Variants in GRID2 observed in about 807,000 individuals in gnomAD.
The protein encoded by GRID2 is glutamate ionotropic receptor delta type subunit 2, also known as glutamate receptor ionotropic, delta-2.
GRID2 carries 33 observed loss-of-function variants against 114.8 expected under a neutral mutation model. That is an observed-to-expected ratio of 0.29 (90% CI 0.22 to 0.38). GRID2 has a LOEUF of 0.38. Among genes scored for constraint, GRID2 ranks in the 10% least tolerant of loss-of-function variants. GRID2 has a pLI of 1.00. For synonymous variants in GRID2, 505 were observed against 449.9 expected (o/e 1.12, Z -1.55); for missense variants, 1,184 against 1,257.7 (o/e 0.94, Z 0.89).
At chr4:93,472,445 A>G (rs1174090837) in intron 11 of GRID2, among the ~76,000 whole-genome samples, 1 of 152,204 alleles carries the variant, frequency 6.6e-6, no homozygotes, top group African/African-American at 2.4e-5. Context: ...ACTACTGAAT[A>G]TATAGTTCCT....
At chr4:92,396,305 A>C (rs540425477) in intron 1 of GRID2, among the ~76,000 whole-genome samples, 1 of 152,102 alleles carries the variant, frequency 6.6e-6, no homozygotes, top group Admixed American at 6.6e-5. Flanking sequence ...GTAGTGCATT[A>C]TATTTTAAGA....
At chr4:93,556,859 A>G (rs1367813106) in intron 13 of GRID2, among the ~76,000 whole-genome samples, 1 of 152,176 alleles carries the variant, frequency 6.6e-6, no homozygotes, top group African/African-American at 2.4e-5. Flanking sequence ...TGGGTTACCC[A>G]CAAAGGGAAG....
At chr4:92,890,765 A>G (rs901272778) in intron 2 of GRID2, among the ~76,000 whole-genome samples, 3 of 152,210 alleles carry the variant, frequency 2.0e-5, no homozygotes, top group Non-Finnish European at 4.4e-5. Context: ...ATTACTGGGT[A>G]TATACCCAAA....
intron 1 of GRID2, among the ~76,000 whole-genome samples, chr4:92,320,005 G>A (rs1726227402): frequency 6.6e-6 from 1 of 152,166 alleles, no homozygotes; most frequent in Non-Finnish European, 1.5e-5. Flanking sequence ...TTAGGAGAGA[G>A]GTGAGAGAGG....
intron 2 of GRID2, among the ~76,000 whole-genome samples, chr4:92,727,211 A>T (rs1736109392): frequency 6.6e-6 from 1 of 152,100 alleles, no homozygotes; most frequent in Non-Finnish European, 1.5e-5. Context: ...TTTAAACAAA[A>T]GTAAAAAAAG....
intron 1 of GRID2, among the ~76,000 whole-genome samples, chr4:93,782,784 A>C (rs974058559): frequency 8.5e-5 from 13 of 152,150 alleles, no homozygotes; most frequent in African/African-American, 2.9e-4. Context: ...GGTTTTTATA[A>C]ATTTAAAATA....
intron 14 of GRID2, among the ~76,000 whole-genome samples, chr4:93,711,847 A>G (rs72659506): frequency 0.016 from 2,362 of 152,256 alleles, 28 homozygotes; most frequent in Non-Finnish European, 0.022. Flanking sequence ...TACAATGTTA[A>G]AATCAGGTAC....
intron 2 of GRID2, among the ~76,000 whole-genome samples, chr4:92,670,460 C>T (rs992483470): frequency 2.6e-5 from 4 of 151,906 alleles, no homozygotes; most frequent in Non-Finnish European, 5.9e-5. Context: ...TGTGGATGAA[C>T]ACTTGGTAAG....
intron 11 of GRID2, among the ~76,000 whole-genome samples, chr4:93,472,545 G>A (rs1365093954): frequency 6.6e-6 from 1 of 152,086 alleles, no homozygotes; most frequent in African/African-American, 2.4e-5. Context: ...AGTTTAAAAA[G>A]TAAACTTATC....
chr4:92,724,560 T>G (rs1303486962), intron 2 of GRID2, among the ~76,000 whole-genome samples: 1 of 152,302 alleles, frequency 6.6e-6, no homozygotes, highest in East Asian at 1.9e-4. Flanking sequence ...AATGTAAAAT[T>G]GTATGACTAT....
intron 10 of GRID2, among the ~76,000 whole-genome samples, chr4:93,423,416 C>A (rs1768525751): frequency 7.9e-6 from 1 of 125,900 alleles, no homozygotes; most frequent in Non-Finnish European, 1.6e-5. Flanking sequence ...GGCTGGATCT[C>A]GGCTCACTGC....
rs1731897174 is a variant in GRID2, at chr4:92,650,929, A to G, written c.244+60643A>G. On this transcript the variant is annotated intron_variant, in intron 2 of 15. Coordinates refer to ENST00000282020, the MANE Select transcript of GRID2 (RefSeq NM_001510.4). ...ATCACCTTGCTGGAATTGGAACTTG[A>G]GTCTTAAAAAGGTCATTTCACTGTT... Among the ~76,000 whole-genome samples, 4 of 151,904 alleles carry G rather than the reference A, an allele frequency of 2.6e-5. No individual in the cohort carries two copies. The South Asian group carries it at 8.3e-4, about 32-fold the overall frequency.
intron 2 of GRID2, among the ~76,000 whole-genome samples, chr4:92,906,548 G>T (rs1747971362): frequency 6.6e-6 from 1 of 152,008 alleles, no homozygotes; most frequent in Non-Finnish European, 1.5e-5. Flanking sequence ...TGCCCCTTTA[G>T]TTTCTAAACT....
chr4:92,581,682 G>A (rs1728192928), intron 1 of GRID2, among the ~76,000 whole-genome samples: 1 of 152,044 alleles, frequency 6.6e-6, no homozygotes, highest in African/African-American at 2.4e-5. Context: ...GAAATCTCTG[G>A]AGACAGTACT....
chr4:93,188,440 TGTTCCCAA>T (rs1254949851), intron 4 of GRID2, among the ~76,000 whole-genome samples: 1 of 152,198 alleles, frequency 6.6e-6, no homozygotes, highest in African/African-American at 2.4e-5. Flanking sequence ...AAAATTTTTC[TGTTCCCAA>T]GGTCCTGGAT....
intron 1 of GRID2, among the ~76,000 whole-genome samples, chr4:92,556,619 A>G (rs1485592502): frequency 6.6e-6 from 1 of 152,096 alleles, no homozygotes; most frequent in African/African-American, 2.4e-5. Context: ...CCTTCACAAG[A>G]TTGCCATCAA....
chr4:92,744,503 A>T (rs1259792449), intron 2 of GRID2, among the ~76,000 whole-genome samples: 1 of 151,924 alleles, frequency 6.6e-6, no homozygotes, highest in Admixed American at 6.6e-5. Context: ...AAAAAAAAAA[A>T]AAATTTTTTT....
chr4:93,277,348 T>A (rs1289080939), intron 8 of GRID2, among the ~76,000 whole-genome samples: 2 of 151,934 alleles, frequency 1.3e-5, no homozygotes, highest in African/African-American at 4.8e-5. Flanking sequence ...GGTTTAACAG[T>A]TCGCATACTT....
chr4:93,685,769 A>G (rs1726022451), intron 14 of GRID2, among the ~76,000 whole-genome samples: 1 of 151,852 alleles, frequency 6.6e-6, no homozygotes. Flanking sequence ...AAGGGAGCAG[A>G]CTCTAGAACC....
Sources: allele counts gnomAD v4.1 joint callset (sites outside exome capture counted in the v4.1 genomes callset), GRCh38; gene constraint gnomAD v4.1.1; transcripts MANE v1.5; gene names NCBI Gene and HGNC (gene_info 2026-07-23, HGNC 2026-07-21).